Variants in XPO7 observed in about 807,000 individuals in gnomAD.
The protein encoded by XPO7 is exportin-7.
Under a neutral mutation model 144.3 loss-of-function variants are expected in XPO7, and 21 were observed. The ratio of observed to expected loss-of-function variants is 0.15; its 90% CI spans 0.10 to 0.21. The LOEUF (loss-of-function observed/expected upper bound fraction) is 0.21, where lower values mean the gene tolerates loss of function less well. Ranked by LOEUF, XPO7 falls within the 10% of genes least tolerant of loss-of-function variation. The probability of loss-of-function intolerance (pLI) is 1.00; values close to 1 mark genes in which losing one functional copy is unlikely to be tolerated. For missense variants in XPO7, 808 were observed against 1,325.8 expected, an observed-to-expected ratio of 0.61 and a Z score of 6.06; for synonymous variants, 580 against 499.6, an observed-to-expected ratio of 1.16 and a Z score of -2.15.
chr8:21,980,617 C>G (rs1292060207), intron 9 of XPO7, among the ~76,000 whole-genome samples: 1 of 151,624 alleles, frequency 6.6e-6, no homozygotes, highest in Non-Finnish European at 1.5e-5. Flanking sequence ...ACTAAAACTA[C>G]AAAAAAAATT....
chr8:21,936,318 A>G (rs752364751), intron 1 of XPO7, among the ~76,000 whole-genome samples: 2 of 152,306 alleles, frequency 1.3e-5, no homozygotes, highest in Admixed American at 6.5e-5. Flanking sequence ...GATGCAGTCA[A>G]TCAACAGAAC....
rs889130876 is a variant in XPO7 at position 21,987,173 on chromosome 8, G to A, written c.1610G>A (p.Arg537His). 6.2e-7 allele frequency: 1 copy of A among 1,613,984 alleles called. No homozygotes were observed. The highest frequency in any genetic ancestry group is 8.5e-7 in the Non-Finnish European group (1 of 1,179,886). Residue 537 changes from arginine (R) to histidine (H), a missense_variant, in exon 14 of 28, where the codon CGT becomes CAT. Around this residue, in one of 5 missense-constraint regions of XPO7, gnomAD observed 416 missense variants for 612.5 expected, o/e 0.68. Coordinates refer to ENST00000252512, the MANE Select transcript of XPO7 (RefSeq NM_015024.5). ...VLQLMNLTDS[R>H]LAQAGNEKLE... is the part of the protein sequence containing the mutation. ...CAGCTGATGAACCTAACAGATTCTC[G>A]TTTGGCCCAGGCGGGTAATGAGAAG...
rs142070085 is a variant in XPO7 at position 21,959,869 on chromosome 8, C to T, written c.19-6988C>T. Among the ~76,000 whole-genome samples, 1,262 of 152,262 alleles carry T rather than the reference C, an allele frequency of 8.3e-3. 8 individuals are homozygous for T. The highest frequency in any genetic ancestry group is 0.014 in the Non-Finnish European group (922 of 68,010). On this transcript the variant is annotated intron_variant, in intron 1 of 27. Coordinates refer to ENST00000252512, the MANE Select transcript of XPO7 (RefSeq NM_015024.5). ...GGAAGTTAACTCACCCACAGTCATA[C>T]GTTAAGACCGGTATCTAACGATCCA...
intron 8 of XPO7, among the ~76,000 whole-genome samples, chr8:21,978,301 C>G (rs988114354): frequency 9.2e-5 from 14 of 152,200 alleles, no homozygotes; most frequent in African/African-American, 3.4e-4. Context: ...TGGTGTATTT[C>G]TCTTTTAAAG....
intron 21 of XPO7, among the ~76,000 whole-genome samples, chr8:21,998,507 C>T (rs1015908596): frequency 2.0e-5 from 3 of 152,054 alleles, no homozygotes; most frequent in Admixed American, 6.6e-5. Context: ...TTATCTACTG[C>T]TGCTTTTTTT....
chr8:21,996,974 A>T (rs1812973557), intron 21 of XPO7, among the ~76,000 whole-genome samples: 1 of 152,102 alleles, frequency 6.6e-6, no homozygotes, highest in South Asian at 2.1e-4. Context: ...ACGCCCGGCT[A>T]ATTTTCTATT....
intron 1 of XPO7, among the ~76,000 whole-genome samples, chr8:21,920,739 A>C (rs1475924082): frequency 6.6e-6 from 1 of 152,188 alleles, no homozygotes; most frequent in Non-Finnish European, 1.5e-5. Context: ...TTTTTATGAC[A>C]GTTATTGATG....
At chr8:22,002,048 T>C (rs573376225) in intron 24 of XPO7, 64 bp from the exon 25 acceptor site, 10 of 1,528,876 alleles carry the variant, frequency 6.5e-6, no homozygotes, top group East Asian at 2.4e-5. Context: ...CACCCAAAGA[T>C]AGTCCATATT....
chr8:21,957,594 T>C (rs1811577948), intron 1 of XPO7, among the ~76,000 whole-genome samples: 1 of 152,210 alleles, frequency 6.6e-6, no homozygotes, highest in South Asian at 2.1e-4. Flanking sequence ...TGAATACCTT[T>C]AGTGTTGTGT....
At position 21,966,974 on chromosome 8, in the gene XPO7, A is replaced by G. The variant is rs1208720836; in HGVS notation, c.136A>G (p.Lys46Glu). The G allele has an allele frequency of 5.0e-6, 8 of 1,613,848 alleles. No individual in the cohort carries two copies. Among genetic ancestry groups the G allele is most frequent in the Non-Finnish European group, 5.9e-6 (7 of 1,179,776 alleles). The change falls in exon 2 of 28, where the codon AAG becomes GAG. Residue 46 changes from lysine to glutamate, a missense_variant. Transcript: ENST00000252512. ...EFTNSPDCLS[K>E]CQLLLERGSS... Reference sequence around the variant, plus strand: ...TACCAACAGCCCTGATTGCCTGAGCAAGTGCCAGCTACTCCTCGAAAGAGG... The same window carrying G: ...TACCAACAGCCCTGATTGCCTGAGCGAGTGCCAGCTACTCCTCGAAAGAGG...
At chr8:21,992,757 T>C (rs1456790903) in intron 19 of XPO7, among the ~76,000 whole-genome samples, 1 of 152,234 alleles carries the variant, frequency 6.6e-6, no homozygotes, top group Non-Finnish European at 1.5e-5. Flanking sequence ...TTTCTAGCTC[T>C]TAGAATTGTC....
chr8:22,003,565 C>G (rs1447699455), intron 26 of XPO7, among the ~76,000 whole-genome samples: 1 of 152,118 alleles, frequency 6.6e-6, no homozygotes, highest in Admixed American at 6.5e-5. Flanking sequence ...GTAAGAGAAA[C>G]CTTTCAAGGA....
chr8:21,944,685 A>G (rs956872579), intron 1 of XPO7, among the ~76,000 whole-genome samples: 1 of 152,120 alleles, frequency 6.6e-6, no homozygotes, highest in East Asian at 1.9e-4. Context: ...ATAGGACAAT[A>G]ATGGAAGGAA....
At chr8:21,959,215 C>T (rs1190837687) in intron 1 of XPO7, among the ~76,000 whole-genome samples, 1 of 152,148 alleles carries the variant, frequency 6.6e-6, no homozygotes, top group African/African-American at 2.4e-5. Context: ...GGGGAAAGGG[C>T]ATTTATAATC....
In XPO7 at chr8:21,937,937, G is replaced by A. The variant is rs548232953; in HGVS notation, c.18+18149G>A. Among the ~76,000 whole-genome samples, 7 of 152,180 alleles carry A rather than the reference G, an allele frequency of 4.6e-5. No individual in the cohort carries two copies. In the South Asian group the frequency reaches 1.5e-3, roughly 32 times the overall value. ...CTTTCATTAAACTTTTATTACTAAAGCTTCAGAGAAATAAGATATAGATAA... is the reference window on the plus strand; with the variant it reads ...CTTTCATTAAACTTTTATTACTAAAACTTCAGAGAAATAAGATATAGATAA... On this transcript the variant is annotated intron_variant, in intron 1 of 27. Coordinates refer to ENST00000252512, the MANE Select transcript of XPO7 (RefSeq NM_015024.5).
At chr8:21,977,004 C>T (rs189331813) in intron 7 of XPO7, among the ~76,000 whole-genome samples, 7 of 152,258 alleles carry the variant, frequency 4.6e-5, no homozygotes, top group Admixed American at 3.9e-4. Flanking sequence ...GGAGTAATCT[C>T]ATAGATCCCC....
intron 9 of XPO7, 127 bp downstream of exon 9, chr8:21,980,330 A>T: frequency 8.3e-7 from 1 of 1,210,490 alleles, no homozygotes; most frequent in South Asian, 1.9e-5. Context: ...ACTGAAGTGA[A>T]TCTCTATTTG....
At chr8:21,920,960 A>G (rs946181307) in intron 1 of XPO7, among the ~76,000 whole-genome samples, 1 of 152,200 alleles carries the variant, frequency 6.6e-6, no homozygotes, top group Non-Finnish European at 1.5e-5. Context: ...AAGGGACTAA[A>G]TAAAAGACTT....
intron 1 of XPO7, among the ~76,000 whole-genome samples, chr8:21,922,606 G>A (rs1487132826): frequency 2.0e-5 from 3 of 152,040 alleles, no homozygotes; most frequent in Admixed American, 6.6e-5. Context: ...TGAAGACAAC[G>A]CTCAGTGAAC....
Sources: allele counts gnomAD v4.1 joint callset (sites outside exome capture counted in the v4.1 genomes callset), GRCh38; gene constraint gnomAD v4.1.1; regional missense constraint gnomAD v4.1.1; transcripts MANE v1.5; gene names NCBI Gene and HGNC (gene_info 2026-07-23, HGNC 2026-07-21).